The following FHIT variants were observed in gnomAD, a reference collection of about 807,000 sequenced individuals.
FHIT encodes the protein fragile histidine triad diadenosine triphosphatase.
FHIT carries 19 observed loss-of-function variants against 17.9 expected under a neutral mutation model. The observed-to-expected ratio is 1.06, with a 90% CI of 0.74 to 1.56. The LOEUF (loss-of-function observed/expected upper bound fraction) is 1.56, where lower values mean the gene tolerates loss of function less well. Ranked by LOEUF, FHIT falls within the 40% of genes most tolerant of loss-of-function variation. The probability of loss-of-function intolerance (pLI) is 0.00; values close to 1 mark genes in which losing one functional copy is unlikely to be tolerated. For missense variants in FHIT, 248 were observed against 189.2 expected, an observed-to-expected ratio of 1.31 and a Z score of -1.82; for synonymous variants, 81 against 69.7, an observed-to-expected ratio of 1.16 and a Z score of -0.81.
intron 5 of FHIT, among the ~76,000 whole-genome samples, chr3:60,182,164 G>T (rs1449507691): frequency 6.6e-6 from 1 of 152,154 alleles, no homozygotes; most frequent in East Asian, 1.9e-4. Context: ...AGCAATGAAG[G>T]CAACTAGAGG....
chr3:59,995,764 A>G (rs1374452457), intron 7 of FHIT, among the ~76,000 whole-genome samples: 1 of 152,096 alleles, frequency 6.6e-6, no homozygotes, highest in Non-Finnish European at 1.5e-5. Flanking sequence ...TCAGTCTTCA[A>G]CATAAAGAAC....
intron 3 of FHIT, among the ~76,000 whole-genome samples, chr3:60,944,491 G>A (rs1390149888): frequency 1.3e-5 from 2 of 152,158 alleles, no homozygotes; most frequent in African/African-American, 4.8e-5. Flanking sequence ...GTCTGCTATT[G>A]TGCTCTTCTT....
intron 2 of FHIT, among the ~76,000 whole-genome samples, chr3:61,180,837 G>A (rs944725115): frequency 2.6e-5 from 4 of 152,162 alleles, no homozygotes; most frequent in Non-Finnish European, 5.9e-5. Flanking sequence ...GAAAGAGCAT[G>A]GGAACTGCTT....
At chr3:60,579,602 T>A (rs1270285153) in intron 4 of FHIT, among the ~76,000 whole-genome samples, 1 of 152,196 alleles carries the variant, frequency 6.6e-6, no homozygotes, top group Non-Finnish European at 1.5e-5. Flanking sequence ...CATATACACA[T>A]ATATACCTAT....
intron 4 of FHIT, among the ~76,000 whole-genome samples, chr3:60,653,414 A>C (rs1441553350): frequency 6.6e-6 from 1 of 152,126 alleles, no homozygotes; most frequent in Admixed American, 6.5e-5. Context: ...CTATAGACCA[A>C]GTACAGAAGT....
At chr3:60,039,718 C>A (rs1701359849) in intron 5 of FHIT, among the ~76,000 whole-genome samples, 1 of 152,192 alleles carries the variant, frequency 6.6e-6, no homozygotes, top group Admixed American at 6.5e-5. Context: ...TCAATACTTT[C>A]ACACTGGGAA....
At chr3:60,445,065 G>T (rs2031225587) in intron 5 of FHIT, among the ~76,000 whole-genome samples, 1 of 152,090 alleles carries the variant, frequency 6.6e-6, no homozygotes, top group Non-Finnish European at 1.5e-5. Context: ...AGTTACCTGA[G>T]CCCTACCTGG....
chr3:60,100,538 A>G (rs781545179), intron 5 of FHIT, among the ~76,000 whole-genome samples: 16 of 152,300 alleles, frequency 1.1e-4, no homozygotes, highest in Non-Finnish European at 2.2e-4. Flanking sequence ...ACCTGCAGGC[A>G]TAGGCAGAGG....
intron 5 of FHIT, among the ~76,000 whole-genome samples, chr3:60,345,947 G>GA (rs1710755254): frequency 6.6e-6 from 1 of 152,128 alleles, no homozygotes; most frequent in Admixed American, 6.6e-5. Context: ...TTATTGATAG[G>GA]AAAATCACTT....
intron 2 of FHIT, among the ~76,000 whole-genome samples, chr3:61,112,364 T>A (rs2036185204): frequency 6.6e-6 from 1 of 151,974 alleles, no homozygotes; most frequent in African/African-American, 2.4e-5. Context: ...GGCCCCAGTT[T>A]CAAGTTCTTA....
intron 4 of FHIT, among the ~76,000 whole-genome samples, chr3:60,678,977 C>G (rs1452459835): frequency 7.2e-6 from 1 of 139,104 alleles, no homozygotes; most frequent in South Asian, 2.3e-4. Flanking sequence ...AAAAAACAAG[C>G]AAAAAAAAAA....
intron 4 of FHIT, among the ~76,000 whole-genome samples, chr3:60,678,372 C>A (rs1231759516): frequency 1.3e-5 from 2 of 152,106 alleles, no homozygotes; most frequent in Non-Finnish European, 2.9e-5. Context: ...AAATACAATT[C>A]TTTTTTCATT....
At chr3:60,018,260 T>C (rs756102580) in intron 5 of FHIT, among the ~76,000 whole-genome samples, 8 of 152,100 alleles carry the variant, frequency 5.3e-5, no homozygotes, top group Non-Finnish European at 8.8e-5. Flanking sequence ...AATAGAGCAG[T>C]AGAGAGCTCA....
intron 8 of FHIT, among the ~76,000 whole-genome samples, chr3:59,862,561 G>A (rs926558754): frequency 6.6e-6 from 1 of 152,214 alleles, no homozygotes; most frequent in African/African-American, 2.4e-5. Context: ...AGCAGACACA[G>A]AGAATGTTTC....
chr3:61,057,955 G>GAAGC, intron 2 of FHIT, among the ~76,000 whole-genome samples: 1 of 152,262 alleles, frequency 6.6e-6, no homozygotes, highest in Non-Finnish European at 1.5e-5. Context: ...TCTCACTGTA[G>GAAGC]CAGCTGAGAG....
chr3:60,638,176 A>G (rs1358710024), intron 4 of FHIT, among the ~76,000 whole-genome samples: 1 of 152,216 alleles, frequency 6.6e-6, no homozygotes, highest in Admixed American at 6.5e-5. Context: ...GGGAAATTAA[A>G]CACTTACCCT....
In FHIT at chr3:60,803,294, G is replaced by A. The variant is rs968155902; in HGVS notation, c.-18+18625C>T. Among the ~76,000 whole-genome samples the A allele has an allele frequency of 3.3e-5, 5 of 152,140 alleles. No individual in the cohort carries two copies. In the South Asian group the frequency reaches 8.3e-4, roughly 25 times the overall value. On this transcript the variant is annotated intron_variant, in intron 4 of 9. Coordinates refer to ENST00000492590, the MANE Select transcript of FHIT (RefSeq NM_002012.4). ...AGTTGTGTGTGCAACATGCTTCCTCGTGATTACCGCCTATACGGACAGTCA... is the reference window on the plus strand; with the variant it reads ...AGTTGTGTGTGCAACATGCTTCCTCATGATTACCGCCTATACGGACAGTCA...
intron 4 of FHIT, among the ~76,000 whole-genome samples, chr3:60,557,922 A>G (rs998505727): frequency 6.6e-6 from 1 of 152,070 alleles, no homozygotes; most frequent in Non-Finnish European, 1.5e-5. Context: ...AGTAACCCAT[A>G]CATTTGCACC....
At chr3:61,167,144 G>A (rs867260491) in intron 2 of FHIT, 1 of 151,910 alleles carries the variant, frequency 6.6e-6, no homozygotes, top group Non-Finnish European at 1.5e-5. Context: ...ATTTAGAAAC[G>A]GATTATCTAC....
Sources: gnomAD v4.1 joint callset for allele counts (sites outside exome capture counted in the v4.1 genomes callset) on GRCh38, gnomAD v4.1.1 for gene constraint, MANE v1.5 for transcripts, NCBI Gene and HGNC (gene_info 2026-07-23, HGNC 2026-07-21) for gene names.